PSMD1: variants seen among roughly 807,000 people sequenced by gnomAD.
The protein encoded by PSMD1 is 26S proteasome non-ATPase regulatory subunit 1.
Under a neutral mutation model 119.0 loss-of-function variants are expected in PSMD1, and 18 were observed. The observed-to-expected ratio is 0.15, with a 90% CI of 0.10 to 0.22. The LOEUF is 0.22. PSMD1 is among the 10% of genes least tolerant of loss of function. The pLI is 1.00. For missense variants in PSMD1, 702 were observed against 1,158.5 expected (o/e 0.61, Z 5.72); for synonymous variants, 374 against 396.6 (o/e 0.94, Z 0.68).
chr2:231,071,521 G>T (rs113919169), intron 6 of PSMD1, among the ~76,000 whole-genome samples: 2 of 151,984 alleles, frequency 1.3e-5, no homozygotes, highest in African/African-American at 4.8e-5. Context: ...ATCATTCAGT[G>T]TATGTACTTT....
At chr2:231,171,822 C>T (rs935640188) in intron 24 of PSMD1, among the ~76,000 whole-genome samples, 1 of 152,060 alleles carries the variant, frequency 6.6e-6, no homozygotes, top group African/African-American at 2.4e-5. Flanking sequence ...TCCCAAAGTG[C>T]TGGGATTACA....
At chr2:231,062,120 ATT>A in intron 2 of PSMD1, 126 bp from the exon 3 acceptor site, 2 of 599,684 alleles carry the variant, frequency 3.3e-6, no homozygotes, top group Non-Finnish European at 5.9e-6. Flanking sequence ...AAATTTTTAT[ATT>A]TGTCATAGAG....
chr2:231,105,939 C>A (rs1404379592), intron 16 of PSMD1, among the ~76,000 whole-genome samples: 1 of 141,606 alleles, frequency 7.1e-6, no homozygotes, highest in Non-Finnish European at 1.6e-5. Flanking sequence ...CTTTTCCTTA[C>A]TTTTTGTCAT....
chr2:231,117,824 A>G (rs1436636393), intron 16 of PSMD1, among the ~76,000 whole-genome samples: 2 of 152,160 alleles, frequency 1.3e-5, no homozygotes, highest in African/African-American at 4.8e-5. Context: ...AATATGAAAT[A>G]TAACTTTAAC....
At position 231,163,656 on chromosome 2, in the gene PSMD1, T is replaced by G; in HGVS notation, c.2410T>G (p.Ser804Ala). The change falls in exon 21 of 25, where the codon TCG becomes GCG. Residue 804 changes from serine (S) to alanine (A), a missense_variant. Ser to Ala is a moderately conservative substitution (Grantham distance 99, BLOSUM62 1). Around this residue, in one of 9 missense-constraint regions of PSMD1, gnomAD observed 152 missense variants for 239.3 expected, o/e 0.64. Coordinates refer to ENST00000308696, the MANE Select transcript of PSMD1 (RefSeq NM_002807.4). ...DLKMPKVQYKSNCKPSTFAYP... is the reference protein window; with the variant it reads ...DLKMPKVQYKANCKPSTFAYP... ...TCAGATGCCGAAAGTTCAGTATAAATCGAACTGTAAACCATCCACATTTGC... is the reference window on the plus strand; with the variant it reads ...TCAGATGCCGAAAGTTCAGTATAAAGCGAACTGTAAACCATCCACATTTGC... 1 of 1,612,534 alleles carries G rather than the reference T, an allele frequency of 6.2e-7. No individual in the cohort carries two copies. Among genetic ancestry groups the G allele is most frequent in the Non-Finnish European group, 8.5e-7 (1 of 1,178,848 alleles).
chr2:231,155,653 CTT>C, intron 19 of PSMD1, among the ~76,000 whole-genome samples: 1 of 151,188 alleles, frequency 6.6e-6, no homozygotes, highest in African/African-American at 2.4e-5. Flanking sequence ...TGTTTTATAA[CTT>C]TGGTGTTCTT....
chr2:231,069,509 A>G (rs1217666336), intron 5 of PSMD1, among the ~76,000 whole-genome samples: 1 of 152,176 alleles, frequency 6.6e-6, no homozygotes, highest in African/African-American at 2.4e-5. Context: ...CCAAGTAAAC[A>G]CATAGAGCCT....
chr2:231,061,018 GA>G (rs1398734486), intron 1 of PSMD1, among the ~76,000 whole-genome samples: 2 of 152,142 alleles, frequency 1.3e-5, no homozygotes, highest in Non-Finnish European at 2.9e-5. Context: ...TTAGTCCAGG[GA>G]ACACACTGAA....
chr2:231,170,201 C>T lies in PSMD1; in HGVS notation c.2716-365C>T, dbSNP rs1381787640. The stretch of plus-strand genomic sequence containing the variant: ...CAAGCTCCAGATGATAATGATGCTT[C>T]TGGCCCAGGACCATATCTTGAGTAG... On this transcript the variant is annotated intron_variant, in intron 23 of 24. Transcript: ENST00000308696. This position sits in a 1 kb window ranked among gnomAD's most constrained non-coding sequence, Gnocchi z 4.1. Among the ~76,000 whole-genome samples, 2 of 152,132 alleles carry T rather than the reference C, an allele frequency of 1.3e-5. No homozygotes were observed. The highest frequency in any genetic ancestry group is 2.9e-5 in the Non-Finnish European group (2 of 68,026).
chr2:231,157,158 T>C (rs1209985672), intron 19 of PSMD1, among the ~76,000 whole-genome samples: 2 of 152,110 alleles, frequency 1.3e-5, no homozygotes, highest in African/African-American at 4.8e-5. Flanking sequence ...ACTACCACAG[T>C]TTTTTGCTGG....
intron 16 of PSMD1, among the ~76,000 whole-genome samples, chr2:231,100,586 C>T (rs535277234): frequency 4.0e-5 from 6 of 151,602 alleles, no homozygotes; most frequent in African/African-American, 1.5e-4. Flanking sequence ...AGTAGGTAAT[C>T]AAAAAAGGTT....
Position 231,083,607 on chromosome 2 carries a change from C to T in PSMD1, c.1566C>T (p.Gly522=). The T allele has an allele frequency of 6.2e-7, 1 of 1,614,172 alleles. No individual in the cohort carries two copies. Among genetic ancestry groups the T allele is most frequent in the Admixed American group, 1.7e-5 (1 of 60,026 alleles). The change falls in exon 14 of 25, where the codon GGC becomes GGT. Residue 522 remains glycine, a synonymous_variant. Transcript: ENST00000308696. ...TGGCCCTAGGTTTGGTTATGTTGGG[C>T]TCTAAAAATGCTCAGGCTATTGAGG... ...AGLALGLVML[G]SKNAQAIEDM... is the part of the protein sequence containing the mutation.
chr2:231,097,703 G>A (rs2125189826), intron 16 of PSMD1, among the ~76,000 whole-genome samples: 1 of 152,144 alleles, frequency 6.6e-6, no homozygotes, highest in South Asian at 2.1e-4. Context: ...GTTTTAAATT[G>A]ATCTAGTATT....
intron 9 of PSMD1, among the ~76,000 whole-genome samples, chr2:231,077,943 G>A (rs1022479044): frequency 6.6e-6 from 1 of 152,088 alleles, no homozygotes; most frequent in Non-Finnish European, 1.5e-5. Context: ...ACAATTTAAA[G>A]CTAGTCTTTG....
chr2:231,157,028 G>A (rs1209964309), intron 19 of PSMD1, among the ~76,000 whole-genome samples: 1 of 152,042 alleles, frequency 6.6e-6, no homozygotes, highest in Non-Finnish European at 1.5e-5. Flanking sequence ...TCTTTTGGTG[G>A]TGAGTATTTA....
chr2:231,082,372 A>T (rs914861231), intron 12 of PSMD1, among the ~76,000 whole-genome samples: 1 of 152,166 alleles, frequency 6.6e-6, no homozygotes, highest in Non-Finnish European at 1.5e-5. Context: ...GCCTCAGCTC[A>T]CTATTTTTTG....
Position 231,147,741 on chromosome 2 carries a change from T to G in PSMD1, c.2115+1385T>G, listed in dbSNP as rs560364236. On this transcript the variant is annotated intron_variant, in intron 18 of 24. Transcript: ENST00000308696. ...GCTAGGGACTTTAGTATCCATGTAT[T>G]AATTAATCCTGCTCATATAATGGGA... Among the ~76,000 whole-genome samples the G allele has an allele frequency of 3.9e-5, 6 of 152,336 alleles. No homozygotes were observed. In the East Asian group the frequency reaches 1.2e-3, roughly 29 times the overall value.
chr2:231,139,066 T>A, intron 17 of PSMD1: 1 of 601,110 alleles, frequency 1.7e-6, no homozygotes, highest in Non-Finnish European at 3.1e-6. Flanking sequence ...TAGCTGTAAC[T>A]GAAACAGTGC....
At chr2:231,105,343 T>A (rs547125574) in intron 16 of PSMD1, among the ~76,000 whole-genome samples, 16 of 152,168 alleles carry the variant, frequency 1.1e-4, no homozygotes, top group Non-Finnish European at 2.2e-4. Flanking sequence ...TGTTAGTACT[T>A]TCAAAGGCAG....
Sources: gnomAD v4.1 joint callset for allele counts (sites outside exome capture counted in the v4.1 genomes callset) on GRCh38, gnomAD v4.1.1 for gene constraint, gnomAD v4.1.1 regional missense constraint, Gnocchi (gnomAD v3.1) non-coding constraint, MANE v1.5 for transcripts, NCBI Gene and HGNC (gene_info 2026-07-23, HGNC 2026-07-21) for gene names.